STARD8: variants seen among roughly 807,000 people sequenced by gnomAD.
STARD8 encodes the protein stAR-related lipid transfer protein 8.
Under a neutral mutation model 69.4 loss-of-function variants are expected in STARD8, and 25 were observed. That is an observed-to-expected ratio of 0.36 (90% CI 0.26 to 0.50). The LOEUF is 0.50. Among genes scored for constraint, STARD8 ranks in the 20% least tolerant of loss-of-function variants. STARD8 has a pLI of 0.96. For synonymous variants in STARD8, 389 were observed against 374.6 expected (o/e 1.04, Z -0.45); for missense variants, 921 against 932.5 (o/e 0.99, Z 0.16).
chrX:68,723,203 A>T (rs1028368782), intron 12 of STARD8, among the ~76,000 whole-genome samples: 3 of 112,066 alleles, frequency 2.7e-5, no homozygotes, highest in African/African-American at 9.7e-5. Flanking sequence ...TCATAACAAA[A>T]CCTTCCATGT....
intron 2 of STARD8, among the ~76,000 whole-genome samples, chrX:68,674,212 T>C (rs149719686): frequency 0.016 from 1,693 of 105,727 alleles, 39 homozygotes; most frequent in African/African-American, 0.057. Context: ...GAGAATCGCT[T>C]GAACACAGAG....
intron 1 of STARD8, among the ~76,000 whole-genome samples, chrX:68,653,107 ACACACAC>A (rs1602535126): frequency 9.4e-5 from 3 of 31,907 alleles, no homozygotes; most frequent in Non-Finnish European, 1.7e-4. Flanking sequence ...CACACCACAC[ACACACAC>A]CACACACCAC....
chrX:68,652,611 G>A (rs917647825), intron 1 of STARD8, among the ~76,000 whole-genome samples: 2 of 110,507 alleles, frequency 1.8e-5, no homozygotes, highest in Non-Finnish European at 3.8e-5. Flanking sequence ...TTGGTACAAC[G>A]AAGCATGCAT....
At position 68,689,285 on chromosome X, in the gene STARD8, C is replaced by T. The variant is rs1240809326; in HGVS notation, c.80-23629C>T. 4.1e-5 allele frequency among the ~76,000 whole-genome samples: 3 copies of T among 72,325 alleles called. No homozygotes were observed. The Admixed American group carries it at 5.6e-4, about 13-fold the overall frequency. 62.8% of individuals were successfully genotyped at this position (72,325 alleles called of 115,157 possible). On this transcript the variant is annotated intron_variant, in intron 2 of 14. Transcript: ENST00000374599. The stretch of plus-strand genomic sequence containing the variant: ...TTGTTAGGGCTGGGCAGGCAGACCT[C>T]CCCGAGGCGTTAGTGGGGTGCTCCA...
At chrX:68,693,331 T>G (rs1414840788) in intron 2 of STARD8, among the ~76,000 whole-genome samples, 1 of 112,773 alleles carries the variant, frequency 8.9e-6, no homozygotes. Flanking sequence ...CCCGGGCACA[T>G]AGCATATGTG....
At chrX:68,661,923 T>C (rs866329693) in intron 1 of STARD8, among the ~76,000 whole-genome samples, 4 of 92,920 alleles carry the variant, frequency 4.3e-5, no homozygotes, top group African/African-American at 8.4e-5. Flanking sequence ...CCTTCCTTCC[T>C]TCCTTCCCTC....
intron 1 of STARD8, among the ~76,000 whole-genome samples, chrX:68,660,144 T>C (rs1397159693): frequency 2.7e-5 from 3 of 110,883 alleles, no homozygotes; most frequent in Non-Finnish European, 5.7e-5. Context: ...GAGGTAGGTG[T>C]TCTGGGGGTT....
chrX:68,696,332 T>TTG (rs886081923), intron 2 of STARD8, among the ~76,000 whole-genome samples: 2 of 111,804 alleles, frequency 1.8e-5, no homozygotes, highest in African/African-American at 6.5e-5. Flanking sequence ...GGGTCTTGGT[T>TTG]TGTGTGTGCG....
At position 68,719,261 on chromosome X, in the gene STARD8, T is replaced by C; in HGVS notation, c.1752T>C (p.Arg584=). 1.7e-6 allele frequency: 2 copies of C among 1,201,996 alleles called. No homozygotes were observed. Among genetic ancestry groups the C allele is most frequent in the South Asian group, 1.8e-5 (1 of 54,816 alleles). ...LRWHSFQNSH[R]PSLNSESLEI... ...GGCATAGCTTCCAGAACTCCCATCGTCCCAGCCTCAACTCAGAGTCGCTGG... is the reference window on the plus strand; with the variant it reads ...GGCATAGCTTCCAGAACTCCCATCGCCCCAGCCTCAACTCAGAGTCGCTGG... Residue 584 remains arginine, a synonymous_variant, in exon 7 of 15, where the codon CGT becomes CGC. Coordinates refer to ENST00000374599, the MANE Select transcript of STARD8 (RefSeq NM_001142503.3).
chrX:68,697,843 C>G (rs1452095777), intron 2 of STARD8, among the ~76,000 whole-genome samples: 1 of 112,417 alleles, frequency 8.9e-6, no homozygotes, highest in African/African-American at 3.2e-5. Context: ...TCACCACAGC[C>G]TGTCAGAGAG....
At chrX:68,713,942 C>T (rs753975295) in intron 3 of STARD8, among the ~76,000 whole-genome samples, 1 of 112,032 alleles carries the variant, frequency 8.9e-6, no homozygotes, top group East Asian at 2.8e-4. Flanking sequence ...TGCTCAAGCC[C>T]CATACCCAGG....
At chrX:68,683,285 C>T (rs1391718486) in intron 2 of STARD8, among the ~76,000 whole-genome samples, 2 of 112,456 alleles carry the variant, frequency 1.8e-5, no homozygotes, top group Non-Finnish European at 3.8e-5. Flanking sequence ...AGCTGACAGT[C>T]CAAACTGTAT....
intron 1 of STARD8, among the ~76,000 whole-genome samples, chrX:68,659,523 C>G (rs899365858): frequency 9.0e-6 from 1 of 111,656 alleles, no homozygotes; most frequent in Non-Finnish European, 1.9e-5. Flanking sequence ...CCATCCCACA[C>G]TGGAATCCCC....
intron 1 of STARD8, among the ~76,000 whole-genome samples, chrX:68,655,402 A>T (rs2079605324): frequency 8.9e-6 from 1 of 112,258 alleles, no homozygotes; most frequent in Non-Finnish European, 1.9e-5. Context: ...CCTATACTCC[A>T]TAGAAGGAAG....
intron 2 of STARD8, among the ~76,000 whole-genome samples, chrX:68,679,022 C>T (rs778162368): frequency 9.0e-6 from 1 of 111,724 alleles, no homozygotes; most frequent in Non-Finnish European, 1.9e-5. Flanking sequence ...GGCACATAGT[C>T]GGTGCTCAAT....
chrX:68,664,693 G>A (rs908318786), intron 1 of STARD8, among the ~76,000 whole-genome samples: 1 of 111,306 alleles, frequency 9.0e-6, no homozygotes, highest in African/African-American at 3.3e-5. Context: ...CTCCTTCTTG[G>A]TTCTTAGTGA....
chrX:68,702,994 C>T lies in STARD8; in HGVS notation c.80-9920C>T, dbSNP rs772726303. On this transcript the variant is annotated intron_variant, in intron 2 of 14. Transcript: ENST00000374599. ...GAGCCAGGACCAGGGGCGGTGGTGG[C>T]TCACACCAGCAATTTGGAAGGCTGA... Among the ~76,000 whole-genome samples the T allele has an allele frequency of 2.7e-5, 3 of 111,527 alleles. No homozygotes were observed. In the South Asian group the frequency reaches 1.1e-3, roughly 43 times the overall value.
intron 7 of STARD8, 46 bp downstream of exon 7, chrX:68,719,444 G>A (rs753460933): frequency 9.0e-7 from 1 of 1,111,268 alleles, no homozygotes; most frequent in Non-Finnish European, 1.2e-6. Context: ...GCTGACTCAG[G>A]TCCACGTCCC....
chrX:68,659,176 T>A (rs1213884124), intron 1 of STARD8, among the ~76,000 whole-genome samples: 1 of 112,105 alleles, frequency 8.9e-6, no homozygotes, highest in Non-Finnish European at 1.9e-5. Context: ...TGATGACCTA[T>A]GTGAAAAGGC....
Sources: allele counts gnomAD v4.1 joint callset (sites outside exome capture counted in the v4.1 genomes callset), GRCh38; gene constraint gnomAD v4.1.1; transcripts MANE v1.5; gene names NCBI Gene and HGNC (gene_info 2026-07-23, HGNC 2026-07-21).